Variants in WDR74 observed in about 807,000 individuals in gnomAD.
The protein encoded by WDR74 is WD repeat domain 74, also known as WD repeat-containing protein 74.
WDR74 carries 31 observed loss-of-function variants against 45.6 expected under a neutral mutation model. The ratio of observed to expected loss-of-function variants is 0.68; its 90% CI spans 0.51 to 0.92. The LOEUF is 0.92. WDR74 is among the 40% of genes least tolerant of loss of function. The pLI is 0.00. For missense variants in WDR74, 455 were observed against 497.2 expected (o/e 0.92, Z 0.81); for synonymous variants, 191 against 192.4 (o/e 0.99, Z 0.06).
At chr11:62,840,491 CA>C (rs1273306078), upstream of WDR74, 1 of 149,412 alleles carries the variant, frequency 6.7e-6, no homozygotes, top group Non-Finnish European at 1.5e-5. Flanking sequence ...AAAAAAAAAA[CA>C]AAAACAACTA....
At chr11:62,837,640 C>G (rs187967332) in intron 3 of WDR74, among the ~76,000 whole-genome samples, 1 of 152,082 alleles carries the variant, frequency 6.6e-6, no homozygotes, top group African/African-American at 2.4e-5. Flanking sequence ...TCTAGAATAC[C>G]CTTATCCCCT....
At chr11:62,841,388 C>T (rs1384110991), upstream of WDR74, among the ~76,000 whole-genome samples, 2 of 151,948 alleles carry the variant, frequency 1.3e-5, no homozygotes, top group Admixed American at 1.3e-4. Flanking sequence ...ATAGTTCCAA[C>T]TACCCCAGAG....
upstream of WDR74, chr11:62,839,745 G>A (rs1336273596): frequency 1.3e-6 from 1 of 770,774 alleles, no homozygotes; most frequent in East Asian, 2.7e-5. Flanking sequence ...TGTTTATGTA[G>A]ATCGGAAGAA....
At chr11:62,841,401 T>C (rs1340963248), upstream of WDR74, among the ~76,000 whole-genome samples, 1 of 151,396 alleles carries the variant, frequency 6.6e-6, no homozygotes, top group Admixed American at 6.6e-5. Flanking sequence ...CCCCAGAGGC[T>C]GAAGTATGAA....
chr11:62,836,095 TTCTC>T lies in WDR74; in HGVS notation c.294-63_294-60del, dbSNP rs1462517128. ...GTGCTTAAACTCCTTGTTCTAATCTTTCTCTCCTCCTTACTACTACAGTTGACTA... is the reference window on the plus strand; with the variant it reads ...GTGCTTAAACTCCTTGTTCTAATCTTTCCTCCTTACTACTACAGTTGACTA... On this transcript the variant is annotated intron_variant, in intron 3 of 10. Coordinates refer to ENST00000278856, the MANE Select transcript of WDR74 (RefSeq NM_001369450.1). The T allele has an allele frequency of 2.7e-6, 4 of 1,492,610 alleles. No individual in the cohort carries two copies. The African/African-American group carries it at 5.6e-5, about 21-fold the overall frequency. 92.5% of individuals were successfully genotyped at this position (1,492,610 alleles called of 1,614,324 possible).
chr11:62,835,819 G>C lies in WDR74; in HGVS notation c.392C>G (p.Pro131Arg). 6.2e-7 allele frequency: 1 copy of C among 1,612,592 alleles called. No homozygotes were observed. Among genetic ancestry groups the C allele is most frequent in the Non-Finnish European group, 8.5e-7 (1 of 1,179,250 alleles). Residue 131 changes from proline to arginine, a missense_variant, in exon 5 of 11, where the codon CCT (proline) becomes CGT (arginine). Transcript: ENST00000278856. ...SDPLLELRVG[P>R]GVCRMRQDPA... ...GTCTTGGCGCATCCTACACACCCCA[G>C]GGCCCACTCTCAGTTCCAGGAGCTG...
At chr11:62,835,103 G>A (rs2084938804) in intron 6 of WDR74, 1 of 276,440 alleles carries the variant, frequency 3.6e-6, no homozygotes, top group South Asian at 5.7e-5. Context: ...GCAAATCAGA[G>A]AGGCTGCATC....
chr11:62,837,271 T>C (rs562955519), intron 3 of WDR74, among the ~76,000 whole-genome samples: 200 of 152,136 alleles, frequency 1.3e-3, no homozygotes, highest in African/African-American at 4.6e-3. Flanking sequence ...GGTGGGCGGA[T>C]TGCCTGAGGT....
chr11:62,839,301 G>A, intron 2 of WDR74, 21 bp downstream of exon 2: 1 of 1,610,488 alleles, frequency 6.2e-7, no homozygotes, highest in Non-Finnish European at 8.5e-7. Context: ...CCCAGCTCCG[G>A]CCCGACCAGG....
chr11:62,836,354 T>C (rs539235035), intron 3 of WDR74: 2 of 331,712 alleles, frequency 6.0e-6, no homozygotes, highest in Admixed American at 4.2e-5. Flanking sequence ...CACTCAGCTA[T>C]GTTACAACCA....
rs2085007609 is a variant in WDR74, at chr11:62,839,250, G to C, written c.172-15C>G. The C allele has an allele frequency of 2.5e-6, 4 of 1,613,128 alleles. No individual in the cohort carries two copies. On this transcript the variant is annotated splice_polypyrimidine_tract_variant and intron_variant, in intron 2 of 10. Transcript: ENST00000278856. ...CCCACCAGCATCTGCGGCAAAGAAG[G>C]GCAAGATGGCGAGGAGAGCGAGGCT...
intron 8 of WDR74, 69 bp from the exon 9 acceptor site, chr11:62,834,006 C>G (rs1286329736): frequency 6.4e-7 from 1 of 1,572,740 alleles, no homozygotes; most frequent in African/African-American, 1.4e-5. Context: ...TTTCCTGTTC[C>G]AATCACTTTC....
chr11:62,833,764 T>G (rs2084914470), intron 9 of WDR74, 28 bp downstream of exon 9: 3 of 1,610,752 alleles, frequency 1.9e-6, no homozygotes, highest in Non-Finnish European at 2.5e-6. Context: ...CACAAGACCA[T>G]GAGTTGGAGG....
At position 62,836,014 on chromosome 11, in the gene WDR74, AATCCACAC is replaced by A. The variant is rs748667789; in HGVS notation, c.308_315del (p.Cys103PhefsTer9). The stretch of plus-strand genomic sequence containing the variant: ...TCATGCCAGACTCTGAGAATCCCAG[AATCCACAC>A]ATGTGATGAGGGTGCTGCAGAGAAA... On this transcript the variant is annotated frameshift_variant, in exon 4 of 11. Transcript: ENST00000278856. LOFTEE classifies it high-confidence loss of function. 1.3e-6 allele frequency: 2 copies of A among 1,595,566 alleles called. No individual in the cohort carries two copies. Among genetic ancestry groups the A allele is most frequent in the Non-Finnish European group, 1.7e-6 (2 of 1,170,854 alleles).
In WDR74 at chr11:62,839,150, C is replaced by T. The variant is rs758316576; in HGVS notation, c.257G>A (p.Gly86Glu). 1 of 1,613,660 alleles carries T rather than the reference C, an allele frequency of 6.2e-7. No homozygotes were observed. Among genetic ancestry groups the T allele is most frequent in the South Asian group, 1.1e-5 (1 of 91,086 alleles). Residue 86 changes from glycine (G) to glutamate (E), a missense_variant, in exon 3 of 11, where the codon GGG becomes GAG. Gly to Glu is a moderately conservative substitution (Grantham distance 98). Coordinates refer to ENST00000278856, the MANE Select transcript of WDR74 (RefSeq NM_001369450.1). ...GGCGAGGCCACGGAACATGCCCTCC[C>T]CGCCCGGGCAGTGTCTCTGACCCTG... ...IFQGQRHCPG[G>E]EGMFRGLAQA...
intron 10 of WDR74, 186 bp downstream of exon 10, chr11:62,833,432 C>G: frequency 1.3e-6 from 1 of 749,742 alleles, no homozygotes; most frequent in Non-Finnish European, 2.1e-6. Context: ...GAAAGCAACC[C>G]CATCCATGCT....
In WDR74 at chr11:62,835,978, C is replaced by T; in HGVS notation, c.352G>A (p.Asp118Asn). The T allele has an allele frequency of 1.3e-6, 2 of 1,595,948 alleles. No homozygotes were observed. Among genetic ancestry groups the T allele is most frequent in the Non-Finnish European group, 1.7e-6 (2 of 1,171,168 alleles). ...AGCCTCACTGGGTCAGAGGATGTGT[C>T]CTTGTCCTTGTCATGCCAGACTCTG... ...ILRVWHDKDK[D>N]TSSDPLLELR... The change falls in exon 4 of 11, where the codon GAC becomes AAC. Residue 118 changes from aspartate to asparagine, a missense_variant. Coordinates refer to ENST00000278856, the MANE Select transcript of WDR74 (RefSeq NM_001369450.1).
intron 8 of WDR74, 64 bp downstream of exon 8, chr11:62,834,212 T>C: frequency 1.9e-6 from 3 of 1,609,380 alleles, no homozygotes; most frequent in South Asian, 1.1e-5. Context: ...TGCACCACCT[T>C]AGAGGGAATC....
At chr11:62,841,704 C>G (rs936127753), upstream of WDR74, 2 of 152,170 alleles carry the variant, frequency 1.3e-5, no homozygotes, top group Non-Finnish European at 2.9e-5. Context: ...TCTCCTATTT[C>G]CAAAAATCCA....
Sources: allele counts gnomAD v4.1 joint callset (sites outside exome capture counted in the v4.1 genomes callset), GRCh38; gene constraint gnomAD v4.1.1; transcripts MANE v1.5; gene names NCBI Gene and HGNC (gene_info 2026-07-23, HGNC 2026-07-21).